The following PCDH17 variants were observed in gnomAD, a reference collection of about 807,000 sequenced individuals.
The protein encoded by PCDH17 is protocadherin 17, also known as protocadherin-17.
Under a neutral mutation model 67.7 loss-of-function variants are expected in PCDH17, and 21 were observed. That is an observed-to-expected ratio of 0.31 (90% confidence interval 0.22 to 0.45). The LOEUF (loss-of-function observed/expected upper bound fraction) is 0.45, where lower values mean the gene tolerates loss of function less well. Ranked by LOEUF, PCDH17 falls within the 20% of genes least tolerant of loss-of-function variation. The pLI is 1.00. For missense variants in PCDH17, 1,471 were observed against 1,564.8 expected (o/e 0.94, Z 1.01); for synonymous variants, 701 against 656.7 (o/e 1.07, Z -1.03).
At chr13:57,657,838 G>A (rs1165223155) in intron 1 of PCDH17, among the ~76,000 whole-genome samples, 6 of 152,234 alleles carry the variant, frequency 3.9e-5, no homozygotes, top group Middle Eastern at 3.4e-3. Context: ...ATAATTATAC[G>A]ATTTAACACC....
intron 3 of PCDH17, among the ~76,000 whole-genome samples, chr13:57,689,869 TTACTTTTATAA>T (rs1248804953): frequency 3.3e-5 from 5 of 151,866 alleles, no homozygotes; most frequent in Non-Finnish European, 5.9e-5. Flanking sequence ...CATTTTATAA[TTACTTTTATAA>T]TAGGCTATTC....
chr13:57,654,740 G>T (rs1955083153), intron 1 of PCDH17, among the ~76,000 whole-genome samples: 1 of 151,788 alleles, frequency 6.6e-6, no homozygotes, highest in South Asian at 2.1e-4. Context: ...TTAATTTGAG[G>T]TATAAATGTC....
At chr13:57,685,946 A>G (rs1356921707) in intron 3 of PCDH17, among the ~76,000 whole-genome samples, 1 of 151,788 alleles carries the variant, frequency 6.6e-6, no homozygotes, top group South Asian at 2.1e-4. Flanking sequence ...TAAAATAGCC[A>G]GGCATAGTGG....
intron 1 of PCDH17, among the ~76,000 whole-genome samples, chr13:57,642,993 C>A (rs1300005946): frequency 4.0e-5 from 6 of 151,414 alleles, no homozygotes; most frequent in Non-Finnish European, 8.9e-5. Flanking sequence ...AATCATAGTC[C>A]CCAATACAAA....
chr13:57,689,995 G>T (rs955058127), intron 3 of PCDH17, among the ~76,000 whole-genome samples: 2 of 151,648 alleles, frequency 1.3e-5, no homozygotes, highest in Non-Finnish European at 2.9e-5. Context: ...TGTTTTAAAG[G>T]ATGTGAATAT....
chr13:57,712,881 C>T (rs1456446210), intron 3 of PCDH17, among the ~76,000 whole-genome samples: 1 of 151,538 alleles, frequency 6.6e-6, no homozygotes, highest in Non-Finnish European at 1.5e-5. Flanking sequence ...TTCACTCTTA[C>T]TGTCTGTTCT....
intron 3 of PCDH17, among the ~76,000 whole-genome samples, chr13:57,682,264 T>TCA (rs957965266): frequency 6.6e-6 from 1 of 151,750 alleles, no homozygotes; most frequent in Non-Finnish European, 1.5e-5. Context: ...GCCGTGTTGT[T>TCA]ACCACACCCT....
intron 3 of PCDH17, among the ~76,000 whole-genome samples, chr13:57,670,573 T>A (rs900201879): frequency 4.1e-4 from 61 of 149,952 alleles, no homozygotes; most frequent in African/African-American, 1.1e-3. Context: ...AATTTAAAAA[T>A]ATATATATTT....
intron 3 of PCDH17, among the ~76,000 whole-genome samples, chr13:57,691,308 A>G (rs1180181117): frequency 6.6e-6 from 1 of 151,416 alleles, no homozygotes; most frequent in African/African-American, 2.4e-5. Flanking sequence ...GGATGATCAT[A>G]TAATTTATTA....
At chr13:57,693,584 G>A (rs568620929) in intron 3 of PCDH17, among the ~76,000 whole-genome samples, 7 of 149,816 alleles carry the variant, frequency 4.7e-5, no homozygotes, top group South Asian at 4.2e-4. Flanking sequence ...ACTTAAAATC[G>A]TTTGGATCTT....
Position 57,632,393 on chromosome 13 carries a change from C to T in PCDH17, c.-154C>T, listed in dbSNP as rs546165774. On this transcript the variant is annotated 5_prime_UTR_variant, in exon 1 of 4. Transcript: ENST00000377918. ...CTTGAGCAGAATAAGGAGAGACCAC[C>T]GGGTGCCGCAGCTCGGGTGCAGAGG... 7.2e-6 allele frequency: 5 copies of T among 691,364 alleles called. No individual in the cohort carries two copies. The highest frequency in any genetic ancestry group is 5.8e-5 in the Admixed American group (2 of 34,666). The allele number at this position is 691,364 out of a possible 1,614,324, so 42.8% of individuals were successfully genotyped here. A position where few individuals can be genotyped will look rare whatever the true frequency, so the allele number is the denominator to read the frequency against.
Position 57,725,707 on chromosome 13 carries a change from C to T in PCDH17, c.*413C>T, listed in dbSNP as rs1955911544. The T allele has an allele frequency of 6.3e-6, 1 of 159,236 alleles. No individual in the cohort carries two copies. Among genetic ancestry groups the T allele is most frequent in the South Asian group, 1.8e-4 (1 of 5,484 alleles). 9.9% of individuals were successfully genotyped at this position (159,236 alleles called of 1,614,324 possible). ...TGACTTAACTGTTTACCTATAAACC[C>T]CATACAAAGCAGGGTCATAATTTGT... On this transcript the variant is annotated 3_prime_UTR_variant, in exon 4 of 4. Transcript: ENST00000377918.
chr13:57,654,610 A>G (rs575776274), intron 1 of PCDH17, among the ~76,000 whole-genome samples: 25 of 152,198 alleles, frequency 1.6e-4, no homozygotes, highest in African/African-American at 5.5e-4. Flanking sequence ...AGCAAAGAAA[A>G]AATTGGAGAT....
At chr13:57,689,457 G>C (rs760319163) in intron 3 of PCDH17, among the ~76,000 whole-genome samples, 32 of 151,940 alleles carry the variant, frequency 2.1e-4, no homozygotes, top group Non-Finnish European at 4.4e-4. Flanking sequence ...TAGAAAATGG[G>C]AAGGACACAA....
Position 57,634,701 on chromosome 13 carries a change from C to T in PCDH17, c.2155C>T (p.Leu719Phe). ...IVTLSTISII[L>F]LAAMITIAVK... ...GACTCTGAGCACTATCTCCATCATC[C>T]TCCTAGCGGCCATGATCACCATCGC... Residue 719 changes from leucine to phenylalanine, a missense_variant, in exon 1 of 4, where the codon CTC (leucine) becomes TTC (phenylalanine). By Grantham distance (22) the Leu-to-Phe change is conservative. Transcript: ENST00000377918. This position sits in a 1 kb window ranked among gnomAD's most constrained non-coding sequence, Gnocchi z 7.8. 1 of 1,613,888 alleles carries T rather than the reference C, an allele frequency of 6.2e-7. No homozygotes were observed. The highest frequency in any genetic ancestry group is 1.1e-5 in the South Asian group (1 of 91,076).
At chr13:57,683,617 T>C (rs1955478815) in intron 3 of PCDH17, among the ~76,000 whole-genome samples, 1 of 151,802 alleles carries the variant, frequency 6.6e-6, no homozygotes, top group South Asian at 2.1e-4. Context: ...ATCAACACTG[T>C]GAAACATGAG....
chr13:57,718,049 G>A (rs982196708), intron 3 of PCDH17, among the ~76,000 whole-genome samples: 3 of 151,776 alleles, frequency 2.0e-5, no homozygotes, highest in African/African-American at 7.3e-5. Context: ...AAAGCAGCAA[G>A]ACATTCCATA....
In PCDH17 at chr13:57,650,140, A is replaced by G. The variant is rs147562042; in HGVS notation, c.2565+15029A>G. On this transcript the variant is annotated intron_variant, in intron 1 of 3. Coordinates refer to ENST00000377918, the MANE Select transcript of PCDH17 (RefSeq NM_001040429.3). ...TTAGTTATGTTATAAAACAAAACAT[A>G]TAATTAAGTAACTTGTAAAAAAAAG... Among the ~76,000 whole-genome samples, 389 of 152,284 alleles carry G rather than the reference A, an allele frequency of 2.6e-3. 3 individuals are homozygous for G. Among genetic ancestry groups the G allele is most frequent in the Middle Eastern group, 0.017 (5 of 294 alleles).
intron 1 of PCDH17, among the ~76,000 whole-genome samples, chr13:57,639,837 T>C (rs1954868798): frequency 6.6e-6 from 1 of 151,976 alleles, no homozygotes; most frequent in African/African-American, 2.4e-5. Flanking sequence ...TGCCCTAAAA[T>C]TGTTACCTCA....
Sources: gnomAD v4.1 joint callset for allele counts (sites outside exome capture counted in the v4.1 genomes callset) on GRCh38, gnomAD v4.1.1 for gene constraint, Gnocchi (gnomAD v3.1) non-coding constraint, MANE v1.5 for transcripts, NCBI Gene and HGNC (gene_info 2026-07-23, HGNC 2026-07-21) for gene names.